PLCD3: variants seen among roughly 807,000 people sequenced by gnomAD.
PLCD3 encodes the protein phospholipase C delta 3.
In PLCD3, 62 loss-of-function variants were observed where a neutral mutation model predicts 82.8. That is an observed-to-expected ratio of 0.75 (90% CI 0.61 to 0.93). PLCD3 has a LOEUF of 0.93. PLCD3 is among the 40% of genes least tolerant of loss of function. The probability of loss-of-function intolerance (pLI) is 0.00; values close to 1 mark genes in which losing one functional copy is unlikely to be tolerated. For missense variants in PLCD3, 1,023 were observed against 1,103.4 expected (o/e 0.93, Z 1.03); for synonymous variants, 478 against 471.8 (o/e 1.01, Z -0.17).
At chr17:45,119,224 G>C in intron 4 of PLCD3, 181 bp from the exon 5 acceptor site, 1 of 612,430 alleles carries the variant, frequency 1.6e-6, no homozygotes, top group Non-Finnish European at 2.9e-6. Context: ...GGATTTTTTG[G>C]TTTGTTTTTT....
chr17:45,113,077 T>G, intron 13 of PLCD3, 45 bp downstream of exon 13: 1 of 1,610,830 alleles, frequency 6.2e-7, no homozygotes, highest in Non-Finnish European at 8.5e-7. Flanking sequence ...CACCCTTCGC[T>G]CTCTGCAGTC....
chr17:45,132,284 T>G lies in PLCD3; in HGVS notation c.127A>C (p.Thr43Pro). 1 of 1,273,800 alleles carries G rather than the reference T, an allele frequency of 7.9e-7. No homozygotes were observed. Among genetic ancestry groups the G allele is most frequent in the East Asian group, 2.9e-5 (1 of 34,428 alleles). The allele number at this position is 1,273,800 out of a possible 1,614,324, so 78.9% of individuals were successfully genotyped here. Residue 43 changes from threonine (T) to proline (P), a missense_variant, in exon 1 of 15, where the codon ACC (threonine) becomes CCC (proline). Thr to Pro is a conservative substitution (Grantham distance 38, BLOSUM62 -1). This residue lies in a region of PLCD3 where 448 missense variants were observed against 406.3 expected (regional missense o/e 1.10). Coordinates refer to ENST00000619929, the MANE Select transcript of PLCD3 (RefSeq NM_133373.5). This position sits in a 1 kb window ranked among gnomAD's most constrained non-coding sequence, Gnocchi z 4.6. ...PSPPTPSDGG[T>P]KRPGLRALKK... ...AGCGCCCGCAGCCCGGGCCTCTTGG[T>G]GCCGCCATCGGAGGGAGTCGGCGGG...
rs1156818468 is a variant in PLCD3 at position 45,111,331 on chromosome 17, C to T, written c.*1285G>A. 5 of 151,998 alleles carry T rather than the reference C, an allele frequency of 3.3e-5. No homozygotes were observed. Among genetic ancestry groups the T allele is most frequent in the Non-Finnish European group, 5.9e-5 (4 of 68,080 alleles). 9.4% of individuals were successfully genotyped at this position (151,998 alleles called of 1,614,324 possible). A position where few individuals can be genotyped will look rare whatever the true frequency, so the allele number is the denominator to read the frequency against. ...AGTGGCAGTCTGAGGGTCCCTCAGA[C>T]TCCTGTCTCCTCCTCATTCAAGGCC... is the stretch of plus-strand genomic sequence containing the variant. On this transcript the variant is annotated 3_prime_UTR_variant, in exon 15 of 15. Transcript: ENST00000619929.
intron 3 of PLCD3, 151 bp downstream of exon 3, chr17:45,120,751 C>CA (rs1309289660): frequency 9.5e-7 from 1 of 1,049,548 alleles, no homozygotes; most frequent in Non-Finnish European, 1.3e-6. Context: ...TCCCCACCCT[C>CA]AGTTTCGAAG....
rs774017109 is a variant in PLCD3 at position 45,121,064 on chromosome 17, C to A, written c.392G>T (p.Gly131Val). 14 of 1,541,870 alleles carry A rather than the reference C, an allele frequency of 9.1e-6. No individual in the cohort carries two copies. In the East Asian group the frequency reaches 2.9e-4, roughly 32 times the overall value. Residue 131 changes from glycine (G) to valine (V), a missense_variant, in exon 3 of 15, where the codon GGT becomes GTT. By Grantham distance (109) the Gly-to-Val change is moderately radical. Transcript: ENST00000619929. ...HQSEGLRRFG[G>V]AFAPARCLTI... The stretch of plus-strand genomic sequence containing the variant: ...GAGGCAGCGCGCTGGCGCGAAGGCA[C>A]CCCCGAAGCGCCGCAGGCCCTCGGA...
rs111572169 is a variant in PLCD3, at chr17:45,117,993, C to T, written c.1260+1G>A. The T allele has an allele frequency of 6.8e-6, 11 of 1,613,094 alleles. No homozygotes were observed. The highest frequency in any genetic ancestry group is 9.3e-6 in the Non-Finnish European group (11 of 1,179,654). On this transcript the variant is annotated splice_donor_variant, in intron 7 of 14. Transcript: ENST00000619929. LOFTEE classifies it high-confidence loss of function. ...TGGGGCTGGGCATCCCAGGGGCTCA[C>T]CGTGAAGGCATGGTCGCGCACGGCT...
chr17:45,121,079 A>G lies in PLCD3; in HGVS notation c.377T>C (p.Leu126Pro). 6.5e-7 allele frequency: 1 copy of G among 1,541,638 alleles called. No individual in the cohort carries two copies. Among genetic ancestry groups the G allele is most frequent in the Non-Finnish European group, 8.7e-7 (1 of 1,152,188 alleles). ...CGCGAAGGCACCCCCGAAGCGCCGC[A>G]GGCCCTCGGACTGGTGGCCCTCGCG... Reference protein sequence around the residue: ...AVREGHQSEGLRRFGGAFAPA... With the variant: ...AVREGHQSEGPRRFGGAFAPA... The change falls in exon 3 of 15, where the codon CTG becomes CCG. Residue 126 changes from leucine (L) to proline (P), a missense_variant. This residue lies in a region of PLCD3 where 448 missense variants were observed against 406.3 expected (regional missense o/e 1.10). Coordinates refer to ENST00000619929, the MANE Select transcript of PLCD3 (RefSeq NM_133373.5).
intron 12 of PLCD3, 90 bp downstream of exon 12, chr17:45,113,349 T>A (rs1017790765): frequency 1.3e-5 from 20 of 1,549,234 alleles, no homozygotes; most frequent in Non-Finnish European, 1.7e-5. Context: ...CTTCCAAATG[T>A]CCCCAGCCTC....
rs866435656 is a variant in PLCD3 at position 45,121,113 on chromosome 17, C to A, written c.343G>T (p.Glu115Ter). 6.5e-7 allele frequency: 1 copy of A among 1,527,476 alleles called. No homozygotes were observed. The highest frequency in any genetic ancestry group is 8.7e-7 in the Non-Finnish European group (1 of 1,145,334). 94.6% of individuals were successfully genotyped at this position (1,527,476 alleles called of 1,614,324 possible). A position where few individuals can be genotyped will look rare whatever the true frequency, so the allele number is the denominator to read the frequency against. The change falls in exon 3 of 15, where the codon GAG becomes TAG. Residue 115 changes from glutamate (E) to a stop codon, truncating the protein, a stop_gained. Coordinates refer to ENST00000619929, the MANE Select transcript of PLCD3 (RefSeq NM_133373.5). LOFTEE classifies it high-confidence loss of function. ...SQHIFFVQHI[E>*]AVREGHQSEG... ...GACTGGTGGCCCTCGCGGACCGCCT[C>A]GATGTGCTGCACGAAGACTGAGAGG...
At chr17:45,113,775 C>G (rs2054268265) in intron 11 of PLCD3, among the ~76,000 whole-genome samples, 170 bp from the exon 12 acceptor site, 1 of 152,034 alleles carries the variant, frequency 6.6e-6, no homozygotes, top group Admixed American at 6.5e-5. Context: ...CCAGCCCCCA[C>G]TGTCACCTGT....
rs764694196 is a variant in PLCD3 at position 45,119,079 on chromosome 17, C to T, written c.685-36G>A. 13 of 1,535,990 alleles carry T rather than the reference C, an allele frequency of 8.5e-6. No homozygotes were observed. The East Asian group carries it at 2.6e-4, about 31-fold the overall frequency. On this transcript the variant is annotated intron_variant, in intron 4 of 14. Transcript: ENST00000619929. ...GCAGGAGAAGCTCAGAGGAGGCAGA[C>T]ACTCCAGGAAACCTGGCCCCTTTGA...
chr17:45,127,692 C>T (rs1598037108), intron 1 of PLCD3, among the ~76,000 whole-genome samples: 1 of 151,862 alleles, frequency 6.6e-6, no homozygotes, highest in African/African-American at 2.4e-5. Flanking sequence ...AGGCGTGTCC[C>T]GGAGGGGTGG....
chr17:45,112,400 C>G lies in PLCD3; in HGVS notation c.*216G>C. On this transcript the variant is annotated 3_prime_UTR_variant, in exon 15 of 15. Coordinates refer to ENST00000619929, the MANE Select transcript of PLCD3 (RefSeq NM_133373.5). ...CCATCTCAGGGCCCCAGGGTTGGAG[C>G]TCACTGAAGTCACATGAACACCTTT... The G allele has an allele frequency of 3.4e-6, 2 of 588,776 alleles. No individual in the cohort carries two copies. The highest frequency in any genetic ancestry group is 6.1e-6 in the Non-Finnish European group (2 of 329,802). The allele number at this position is 588,776 out of a possible 1,614,324, so 36.5% of individuals were successfully genotyped here.
chr17:45,115,349 G>T lies in PLCD3; in HGVS notation c.1555C>A (p.Arg519=). Residue 519 remains arginine, a synonymous_variant, in exon 9 of 15, where the codon CGG becomes AGG. Transcript: ENST00000619929. ...CCACCCATCCCAGCTCTCACCAGCCGCCTCTGCGCTGCAGCCTCCACCTCC... is the reference window on the plus strand; with the variant it reads ...CCACCCATCCCAGCTCTCACCAGCCTCCTCTGCGCTGCAGCCTCCACCTCC... ...EEEVEAAAQR[R]LAKQISPELS... is the part of the protein sequence containing the mutation. 2 of 715,746 alleles carry T rather than the reference G, an allele frequency of 2.8e-6. No homozygotes were observed. Among genetic ancestry groups the T allele is most frequent in the Middle Eastern group, 5.7e-4 (2 of 3,494 alleles). 44.3% of individuals were successfully genotyped at this position (715,746 alleles called of 1,614,324 possible).
At chr17:45,128,733 C>A (rs2054399559) in intron 1 of PLCD3, among the ~76,000 whole-genome samples, 1 of 152,242 alleles carries the variant, frequency 6.6e-6, no homozygotes, top group Non-Finnish European at 1.5e-5. Context: ...ATCCAGGACA[C>A]CCGTTAAATG....
chr17:45,114,112 T>G (rs2054270258), intron 11 of PLCD3, 138 bp downstream of exon 11: 1 of 643,102 alleles, frequency 1.6e-6, no homozygotes, highest in Non-Finnish European at 2.6e-6. Flanking sequence ...TTTTCCCACC[T>G]ACATTGCTGG....
rs770872601 is a variant in PLCD3, at chr17:45,118,056, T to C, written c.1198A>G (p.Thr400Ala). 6 of 1,613,326 alleles carry C rather than the reference T, an allele frequency of 3.7e-6. No individual in the cohort carries two copies. The African/African-American group carries it at 6.7e-5, about 18-fold the overall frequency. The change falls in exon 7 of 15, where the codon ACC (threonine) becomes GCC (alanine). Residue 400 changes from threonine to alanine, a missense_variant. By Grantham distance (58) the Thr-to-Ala change is moderately conservative. Transcript: ENST00000619929. This position sits in a 1 kb window ranked among gnomAD's most constrained non-coding sequence, Gnocchi z 4.1. ...CGGAAGAGAATCTTGGAGGTGAGGG[T>C]ATGGCCATGATAGATGACGGGCTCC... ...GGEPVIYHGH[T>A]LTSKILFRDV...
chr17:45,113,733 C>T, intron 11 of PLCD3, 128 bp from the exon 12 acceptor site: 1 of 1,149,448 alleles, frequency 8.7e-7, no homozygotes, highest in Non-Finnish European at 1.2e-6. Context: ...TGCTCTGCTC[C>T]CACCATGACT....
At chr17:45,124,965 C>T (rs528406932) in intron 1 of PLCD3, among the ~76,000 whole-genome samples, 58 of 152,168 alleles carry the variant, frequency 3.8e-4, no homozygotes, top group African/African-American at 1.3e-3. Flanking sequence ...CCAAGGCAGG[C>T]GGGTCATTTG....
Sources: allele counts gnomAD v4.1 joint callset (sites outside exome capture counted in the v4.1 genomes callset), GRCh38; gene constraint gnomAD v4.1.1; regional missense constraint gnomAD v4.1.1; non-coding constraint Gnocchi (gnomAD v3.1); transcripts MANE v1.5; gene names NCBI Gene and HGNC (gene_info 2026-07-23, HGNC 2026-07-21).